The following OR4N2 variants were observed in gnomAD, a reference collection of about 807,000 sequenced individuals.
OR4N2 encodes the protein olfactory receptor family 4 subfamily N member 2, also known as olfactory receptor 4N2.
For missense variants in OR4N2, 307 were observed against 377.6 expected, an observed-to-expected ratio of 0.81 and a Z score of 1.55; for synonymous variants, 141 against 140.4, an observed-to-expected ratio of 1.00 and a Z score of -0.03.
chr14:19,812,329 C>T (rs372165302), intron 1 of OR4N2, among the ~76,000 whole-genome samples: 143 of 117,310 alleles, frequency 1.2e-3, no homozygotes, highest in Middle Eastern at 9.3e-3. Context: ...CTTTTCTTTT[C>T]TTTTTTTTTT....
intron 1 of OR4N2, among the ~76,000 whole-genome samples, chr14:19,820,320 C>A (rs1318591505): frequency 2.0e-5 from 3 of 152,268 alleles, no homozygotes; most frequent in Non-Finnish European, 2.9e-5. Flanking sequence ...TTCTTGTCTT[C>A]TGCTAGCTTT....
intron 1 of OR4N2, among the ~76,000 whole-genome samples, chr14:19,819,244 T>C (rs555976563): frequency 0.013 from 1,945 of 151,746 alleles, 4 homozygotes; most frequent in Middle Eastern, 0.055. Context: ...CTTGCTAGGT[T>C]GGGGAAGTTC....
intron 1 of OR4N2, among the ~76,000 whole-genome samples, chr14:19,817,190 A>G (rs1879448244): frequency 6.6e-6 from 1 of 152,136 alleles, no homozygotes; most frequent in Non-Finnish European, 1.5e-5. Flanking sequence ...TGGTATCAGG[A>G]TGATGCTGGC....
intron 1 of OR4N2, among the ~76,000 whole-genome samples, chr14:19,825,306 A>G (rs1879665881): frequency 6.6e-6 from 1 of 152,240 alleles, no homozygotes; most frequent in Admixed American, 6.5e-5. Flanking sequence ...TAAAGCAGAT[A>G]GTTTTAATGC....
chr14:19,820,411 TG>T (rs1879535462), intron 1 of OR4N2, among the ~76,000 whole-genome samples: 1 of 152,266 alleles, frequency 6.6e-6, no homozygotes, highest in South Asian at 2.1e-4. Context: ...TGCTTTAAGC[TG>T]TTGGCATTTA....
At chr14:19,815,156 G>A (rs1879393293) in intron 1 of OR4N2, among the ~76,000 whole-genome samples, 1 of 152,340 alleles carries the variant, frequency 6.6e-6, no homozygotes, top group African/African-American at 2.4e-5. Context: ...CTTTATAGTA[G>A]AATGATTTAT....
chr14:19,825,312 A>T (rs1879665946), intron 1 of OR4N2, among the ~76,000 whole-genome samples: 1 of 152,242 alleles, frequency 6.6e-6, no homozygotes, highest in Non-Finnish European at 1.5e-5. Context: ...AGATAGTTTT[A>T]ATGCTTCTTA....
intron 1 of OR4N2, among the ~76,000 whole-genome samples, chr14:19,811,978 A>G (rs1879307690): frequency 6.6e-6 from 1 of 152,278 alleles, no homozygotes; most frequent in Admixed American, 6.5e-5. Context: ...AATATTAGGA[A>G]GAAAAAAATA....
At chr14:19,821,528 C>T (rs1879565873) in intron 1 of OR4N2, among the ~76,000 whole-genome samples, 1 of 152,184 alleles carries the variant, frequency 6.6e-6, no homozygotes, top group African/African-American at 2.4e-5. Flanking sequence ...AATCTCTCAT[C>T]ATTTATTTAA....
chr14:19,817,289 T>C (rs2138471915), intron 1 of OR4N2, among the ~76,000 whole-genome samples: 1 of 152,388 alleles, frequency 6.6e-6, no homozygotes, highest in African/African-American at 2.4e-5. Context: ...TTTGTACCTC[T>C]GGTAGAATTT....
Position 19,828,081 on chromosome 14 carries a change from T to A in OR4N2, c.633T>A (p.Phe211Leu). ...FNSGLMTLLC[F>L]LGLLASYAVI... ...GTGGCCTGATGACACTCCTGTGCTT[T>A]CTGGGGCTTCTGGCCTCCTATGCAG... Residue 211 changes from phenylalanine (F) to leucine (L), a missense_variant, in exon 2 of 2, where the codon TTT (phenylalanine) becomes TTA (leucine). Transcript: ENST00000557677. 2 of 1,614,274 alleles carry A rather than the reference T, an allele frequency of 1.2e-6. No homozygotes were observed. The highest frequency in any genetic ancestry group is 1.7e-6 in the Non-Finnish European group (2 of 1,180,048).
chr14:19,808,731 A>C (rs1879225053), intron 1 of OR4N2, among the ~76,000 whole-genome samples: 1 of 152,192 alleles, frequency 6.6e-6, no homozygotes, highest in South Asian at 2.1e-4. Context: ...TCTAAAATTC[A>C]TACAGAGCCA....
intron 1 of OR4N2, among the ~76,000 whole-genome samples, chr14:19,807,930 G>A (rs1278407234): frequency 2.6e-5 from 4 of 152,092 alleles, no homozygotes; most frequent in African/African-American, 9.6e-5. Flanking sequence ...CTTATTCAAT[G>A]TATGCAAATC....
chr14:19,814,255 G>A (rs1325782247), intron 1 of OR4N2, among the ~76,000 whole-genome samples: 1 of 152,188 alleles, frequency 6.6e-6, no homozygotes, highest in Non-Finnish European at 1.5e-5. Context: ...TTTTAGTTGA[G>A]CAGAGTGAAA....
chr14:19,812,310 T>TTTTCC (rs1273865827), intron 1 of OR4N2, among the ~76,000 whole-genome samples: 49 of 123,382 alleles, frequency 4.0e-4, no homozygotes, highest in African/African-American at 1.3e-3. Context: ...TTCTTTTTTT[T>TTTTCC]TTTCTTTTCT....
chr14:19,811,194 A>G (rs1400156909), intron 1 of OR4N2, among the ~76,000 whole-genome samples: 1 of 152,246 alleles, frequency 6.6e-6, no homozygotes, highest in Non-Finnish European at 1.5e-5. Flanking sequence ...CATTGCAAGG[A>G]TTTTGCATTA....
intron 1 of OR4N2, among the ~76,000 whole-genome samples, chr14:19,826,676 G>A (rs1273028109): frequency 1.3e-5 from 2 of 152,246 alleles, no homozygotes; most frequent in African/African-American, 4.8e-5. Context: ...GTGTCACACT[G>A]GGAACAGAGA....
chr14:19,820,905 C>A (rs1250596567), intron 1 of OR4N2, among the ~76,000 whole-genome samples: 1 of 152,360 alleles, frequency 6.6e-6, no homozygotes, highest in East Asian at 1.9e-4. Flanking sequence ...CCACTTGAAT[C>A]CCTGGCTTCA....
At chr14:19,814,329 C>T (rs578103469) in intron 1 of OR4N2, among the ~76,000 whole-genome samples, 2 of 152,326 alleles carry the variant, frequency 1.3e-5, no homozygotes, top group South Asian at 4.1e-4. Context: ...AGGTCACCTT[C>T]CCTTTAGCAA....
Sources: allele counts gnomAD v4.1 joint callset (sites outside exome capture counted in the v4.1 genomes callset), GRCh38; gene constraint gnomAD v4.1.1; transcripts MANE v1.5; gene names NCBI Gene and HGNC (gene_info 2026-07-23, HGNC 2026-07-21).